Variants in LY96 observed in about 807,000 individuals in gnomAD.
LY96 encodes myeloid differentiation protein-2.
Under a neutral mutation model 18.9 loss-of-function variants are expected in LY96, and 18 were observed. The ratio of observed to expected loss-of-function variants is 0.95; its 90% CI spans 0.66 to 1.41. LY96 has a LOEUF of 1.41. Among genes scored for constraint, LY96 ranks in the 40% most tolerant of loss-of-function variants. The probability of loss-of-function intolerance (pLI) is 0.00; values close to 1 mark genes in which losing one functional copy is unlikely to be tolerated. For missense variants in LY96, 175 were observed against 182.4 expected, an observed-to-expected ratio of 0.96 and a Z score of 0.23; for synonymous variants, 66 against 62.6, an observed-to-expected ratio of 1.06 and a Z score of -0.26.
chr8:74,027,209 G>T (rs1033401260), intron 4 of LY96, among the ~76,000 whole-genome samples: 5 of 151,978 alleles, frequency 3.3e-5, no homozygotes, highest in Non-Finnish European at 5.9e-5. Context: ...CAAAGTGCTG[G>T]GATTACAAGT....
chr8:74,040,333 T>C, the LY96 span, among the ~76,000 whole-genome samples: 1 of 152,238 alleles, frequency 6.6e-6, no homozygotes, highest in African/African-American at 2.4e-5. Flanking sequence ...CTAGGTAATC[T>C]TTCACCCACA....
chr8:74,003,372 A>C (rs994070482), intron 1 of LY96, among the ~76,000 whole-genome samples: 1 of 152,246 alleles, frequency 6.6e-6, no homozygotes, highest in Non-Finnish European at 1.5e-5. Flanking sequence ...CAGTGGCACA[A>C]AAGCAAGGAT....
At chr8:74,028,814 G>A in intron 4 of LY96, 142 bp from the exon 5 acceptor site, 1 of 541,684 alleles carries the variant, frequency 1.8e-6, no homozygotes, top group Non-Finnish European at 3.3e-6. Context: ...TCAAAGACAT[G>A]GAAAATTTCG....
intron 2 of LY96, among the ~76,000 whole-genome samples, chr8:74,006,739 A>G (rs898288947): frequency 1.1e-4 from 16 of 152,194 alleles, no homozygotes; most frequent in Non-Finnish European, 2.2e-4. Flanking sequence ...GTCTGTTGGC[A>G]GGTTTTACCC....
At chr8:74,081,050 T>C in the LY96 span, among the ~76,000 whole-genome samples, 1,195 of 109,870 alleles carry the variant, frequency 0.011, 18 homozygotes, top group African/African-American at 0.02. Flanking sequence ...TTCTTTCTTT[T>C]TCTTTCTTTC....
chr8:74,057,548 C>G, the LY96 span, among the ~76,000 whole-genome samples: 1 of 152,194 alleles, frequency 6.6e-6, no homozygotes, highest in Non-Finnish European at 1.5e-5. Flanking sequence ...AGAGGCTCTT[C>G]AAACACAGCC....
chr8:74,029,520 C>T (rs190189463), downstream of LY96, among the ~76,000 whole-genome samples: 2 of 152,052 alleles, frequency 1.3e-5, no homozygotes, highest in Non-Finnish European at 2.9e-5. Context: ...AGGAGCTTTC[C>T]CCACCCACCC....
At chr8:74,031,581 G>A (rs1190769929), downstream of LY96, among the ~76,000 whole-genome samples, 4 of 150,708 alleles carry the variant, frequency 2.7e-5, no homozygotes, top group Middle Eastern at 3.4e-3. Flanking sequence ...GCGGTGAGCC[G>A]AGATCGTGCC....
At chr8:73,994,990 A>G (rs1816092790) in intron 1 of LY96, among the ~76,000 whole-genome samples, 1 of 152,172 alleles carries the variant, frequency 6.6e-6, no homozygotes, top group African/African-American at 2.4e-5. Context: ...GTTGAAATTT[A>G]ATTGCCATTG....
the LY96 span, among the ~76,000 whole-genome samples, chr8:74,069,439 T>C: frequency 0.081 from 12,286 of 152,184 alleles, 846 homozygotes; most frequent in African/African-American, 0.19. Flanking sequence ...GGAAGCCTCG[T>C]TCCTGTGATG....
At chr8:74,053,048 C>T in the LY96 span, among the ~76,000 whole-genome samples, 1 of 152,204 alleles carries the variant, frequency 6.6e-6, no homozygotes, top group African/African-American at 2.4e-5. Flanking sequence ...AACCCTTGCA[C>T]ATCCCACGGC....
the LY96 span, among the ~76,000 whole-genome samples, chr8:74,054,535 CCTTCCTTCCTTCCTTCCTTCCTTCCTTT>C: frequency 1.1e-5 from 1 of 92,470 alleles, no homozygotes; most frequent in African/African-American, 5.6e-5. Flanking sequence ...TTCCTTCCTT[CCTTCCTTCCTTCCTTCCTTCCTTCCTTT>C]CTTCCCTCCC....
At chr8:74,081,087 C>CTCTCTCTTTCTT in the LY96 span, among the ~76,000 whole-genome samples, 7 of 93,024 alleles carry the variant, frequency 7.5e-5, no homozygotes, top group Admixed American at 1.2e-4. Flanking sequence ...TTCTCTTTCT[C>CTCTCTCTTTCTT]TCTTTCTTTC....
the LY96 span, among the ~76,000 whole-genome samples, chr8:74,070,160 C>T: frequency 7.9e-5 from 12 of 151,214 alleles, no homozygotes; most frequent in African/African-American, 2.7e-4. Context: ...GGCGCGATCT[C>T]GGCTCACTGC....
At chr8:74,030,938 A>C (rs918018935), downstream of LY96, among the ~76,000 whole-genome samples, 3 of 152,182 alleles carry the variant, frequency 2.0e-5, no homozygotes, top group Non-Finnish European at 2.9e-5. Flanking sequence ...ATCCCCGAGT[A>C]CCCATGGGTT....
At chr8:74,054,526 TC>T in the LY96 span, among the ~76,000 whole-genome samples, 2 of 72,492 alleles carry the variant, frequency 2.8e-5, no homozygotes, top group South Asian at 7.0e-4. Context: ...TTCTTTTCCT[TC>T]CTTCCTTCCT....
chr8:74,092,014 T>C, the LY96 span, among the ~76,000 whole-genome samples: 12 of 152,170 alleles, frequency 7.9e-5, no homozygotes, highest in Non-Finnish European at 1.5e-4. Flanking sequence ...CCCCTTCCTT[T>C]TGACTCATTT....
chr8:74,034,227 C>T, the LY96 span, among the ~76,000 whole-genome samples: 1 of 152,082 alleles, frequency 6.6e-6, no homozygotes, highest in African/African-American at 2.4e-5. Flanking sequence ...CAAAAATTAG[C>T]CAGGTGTGGT....
chr8:74,015,610 A>G (rs1190810254), intron 3 of LY96, among the ~76,000 whole-genome samples: 1 of 152,200 alleles, frequency 6.6e-6, no homozygotes, highest in Non-Finnish European at 1.5e-5. Flanking sequence ...GTTTCTAAAT[A>G]AGGTCATGTT....
Sources: gnomAD v4.1 joint callset for allele counts (sites outside exome capture counted in the v4.1 genomes callset) on GRCh38, gnomAD v4.1.1 for gene constraint, MANE v1.5 for transcripts, NCBI Gene and HGNC (gene_info 2026-07-23, HGNC 2026-07-21) for gene names.